Variants in ICAM1 observed in about 807,000 individuals in gnomAD.
The protein encoded by ICAM1 is intercellular adhesion molecule 1, also known as ICAM-1.
Under a neutral mutation model 42.3 loss-of-function variants are expected in ICAM1, and 28 were observed. The ratio of observed to expected loss-of-function variants is 0.66; its 90% CI spans 0.49 to 0.91. ICAM1 has a LOEUF of 0.91. Among genes scored for constraint, ICAM1 ranks in the 40% least tolerant of loss-of-function variants. The probability of loss-of-function intolerance (pLI) is 0.00; values close to 1 mark genes in which losing one functional copy is unlikely to be tolerated. For missense variants in ICAM1, 637 were observed against 688.6 expected (o/e 0.93, Z 0.84); for synonymous variants, 304 against 305.9 (o/e 0.99, Z 0.07).
intron 2 of ICAM1, among the ~76,000 whole-genome samples, chr19:10,280,086 G>A (rs141151283): frequency 4.2e-4 from 64 of 152,294 alleles, no homozygotes; most frequent in African/African-American, 1.5e-3. Context: ...GGCAGTGACC[G>A]TATTCAAGAA....
intron 1 of ICAM1, among the ~76,000 whole-genome samples, chr19:10,274,013 CA>C (rs34434348): frequency 0.076 from 10,148 of 134,268 alleles, 921 homozygotes; most frequent in African/African-American, 0.23. Flanking sequence ...GACTCCATCT[CA>C]AAAAAAAAAA....
chr19:10,284,521 G>C lies in ICAM1; in HGVS notation c.1044G>C (p.Gln348His), dbSNP rs2040087711. 6.2e-7 allele frequency: 1 copy of C among 1,613,910 alleles called. No individual in the cohort carries two copies. Among genetic ancestry groups the C allele is most frequent in the African/African-American group, 1.3e-5 (1 of 74,930 alleles). The change falls in exon 5 of 7, where the codon CAG becomes CAC. Residue 348 changes from glutamine (Q) to histidine (H), a missense_variant. Gln to His is a conservative substitution (Grantham distance 24). Transcript: ENST00000264832. The surrounding 1 kb of genome is among the most constrained non-coding windows in gnomAD (Gnocchi z 5.4). ...TGACGCTGAATGGGGTTCCAGCCCAGCCACTGGGCCCGAGGGCCCAGCTCC... is the reference window on the plus strand; with the variant it reads ...TGACGCTGAATGGGGTTCCAGCCCACCCACTGGGCCCGAGGGCCCAGCTCC... The part of the protein sequence containing the change: ...AKVTLNGVPA[Q>H]PLGPRAQLLL...
intron 2 of ICAM1, among the ~76,000 whole-genome samples, chr19:10,275,379 C>A (rs1361431925): frequency 1.3e-5 from 2 of 152,108 alleles, no homozygotes; most frequent in African/African-American, 4.8e-5. Context: ...CGCCTGTAAT[C>A]CCAGCTACTT....
chr19:10,284,939 C>T lies in ICAM1; in HGVS notation c.1337C>T (p.Thr446Ile). 6.2e-7 allele frequency: 1 copy of T among 1,609,520 alleles called. No individual in the cohort carries two copies. The highest frequency in any genetic ancestry group is 8.5e-7 in the Non-Finnish European group (1 of 1,177,128). ...CCACTGCCCATCGGGGAATCAGTGA[C>T]TGTCACTCGAGATCTTGAGGGCACC... ...TFPLPIGESV[T>I]VTRDLEGTYL... The change falls in exon 6 of 7, where the codon ACT (threonine) becomes ATT (isoleucine). Residue 446 changes from threonine to isoleucine, a missense_variant. Coordinates refer to ENST00000264832, the MANE Select transcript of ICAM1 (RefSeq NM_000201.3). The surrounding 1 kb of genome is among the most constrained non-coding windows in gnomAD (Gnocchi z 5.4).
intron 2 of ICAM1, among the ~76,000 whole-genome samples, chr19:10,279,640 G>A (rs2040041624): frequency 6.6e-6 from 1 of 152,018 alleles, no homozygotes; most frequent in South Asian, 2.1e-4. Context: ...CCACCATCAT[G>A]CCCAGCTAAT....
intron 2 of ICAM1, chr19:10,283,085 T>C (rs1222358179): frequency 6.1e-6 from 1 of 163,186 alleles, no homozygotes; most frequent in African/African-American, 2.4e-5. Flanking sequence ...GTGCCTGTAA[T>C]CTAAGCTACT....
In ICAM1 at chr19:10,285,352, A is replaced by G; in HGVS notation, c.*65A>G. 6.8e-7 allele frequency: 1 copy of G among 1,470,246 alleles called. No individual in the cohort carries two copies. The highest frequency in any genetic ancestry group is 9.4e-7 in the Non-Finnish European group (1 of 1,065,428). The allele number at this position is 1,470,246 out of a possible 1,614,324, so 91.1% of individuals were successfully genotyped here. Reference sequence around the variant, plus strand: ...ATTGGTGGCAGTGGTGCCACACTGAACAGAGTGGAAGACATATGCCATGCA... The same window carrying G: ...ATTGGTGGCAGTGGTGCCACACTGAGCAGAGTGGAAGACATATGCCATGCA... On this transcript the variant is annotated 3_prime_UTR_variant, in exon 7 of 7. Transcript: ENST00000264832.
At chr19:10,282,704 T>G (rs1332695401) in intron 2 of ICAM1, among the ~76,000 whole-genome samples, 11 of 151,224 alleles carry the variant, frequency 7.3e-5, no homozygotes, top group Non-Finnish European at 1.6e-4. Context: ...TTTTTTTTGT[T>G]TTGTTTTGTT....
rs767992203 is a variant in ICAM1, at chr19:10,285,290, C to G, written c.*3C>G. ...ACACACAAGCCACGCCTCCCTGAAC[C>G]TATCCCGGGACAGGGCCTCTTCCTC... On this transcript the variant is annotated 3_prime_UTR_variant, in exon 7 of 7. Coordinates refer to ENST00000264832, the MANE Select transcript of ICAM1 (RefSeq NM_000201.3). 13 of 1,613,364 alleles carry G rather than the reference C, an allele frequency of 8.1e-6. No individual in the cohort carries two copies. Among genetic ancestry groups the G allele is most frequent in the Admixed American group, 3.3e-5 (2 of 59,956 alleles).
chr19:10,283,882 C>T, intron 3 of ICAM1, 96 bp downstream of exon 3: 1 of 1,446,828 alleles, frequency 6.9e-7, no homozygotes, highest in Non-Finnish European at 9.4e-7. Flanking sequence ...GGGTGTGGCC[C>T]CGGCTAAGGG....
intron 3 of ICAM1, 113 bp downstream of exon 3, chr19:10,283,899 G>A: frequency 7.0e-7 from 1 of 1,434,112 alleles, no homozygotes; most frequent in Admixed American, 2.0e-5. Context: ...AGGGGTGCAT[G>A]TGTTCTAGGC....
At position 10,285,031 on chromosome 19, in the gene ICAM1, G is replaced by A; in HGVS notation, c.1426+3G>A. 6.2e-7 allele frequency: 1 copy of A among 1,613,706 alleles called. No individual in the cohort carries two copies. Among genetic ancestry groups the A allele is most frequent in the Non-Finnish European group, 8.5e-7 (1 of 1,179,968 alleles). On this transcript the variant is annotated splice_donor_region_variant and intron_variant, in intron 6 of 6. Transcript: ENST00000264832. ...CAAGGTGACCGTGAATGTGCTCTGT[G>A]AGTGAGCCGGCGGGCAGAGCTGGGT...
At chr19:10,272,102 A>G (rs2039985793) in intron 1 of ICAM1, among the ~76,000 whole-genome samples, 2 of 152,244 alleles carry the variant, frequency 1.3e-5, no homozygotes, top group Admixed American at 6.5e-5. Context: ...CCTGGCCAAC[A>G]TGGCAACATC....
At chr19:10,278,438 G>A (rs964798199) in intron 2 of ICAM1, among the ~76,000 whole-genome samples, 3 of 151,852 alleles carry the variant, frequency 2.0e-5, no homozygotes, top group Non-Finnish European at 2.9e-5. Flanking sequence ...GGGTGGGTGA[G>A]CAGATGCTGA....
chr19:10,285,195 T>C lies in ICAM1; in HGVS notation c.1507T>C (p.Tyr503His). 1 of 1,614,128 alleles carries C rather than the reference T, an allele frequency of 6.2e-7. No homozygotes were observed. The highest frequency in any genetic ancestry group is 1.3e-5 in the African/African-American group (1 of 75,010). Residue 503 changes from tyrosine (Y) to histidine (H), a missense_variant, in exon 7 of 7, where the codon TAT (tyrosine) becomes CAT (histidine). By Grantham distance (83) the Tyr-to-His change is moderately conservative. Transcript: ENST00000264832. ...CACTGCAGGCCTCAGCACGTACCTC[T>C]ATAACCGCCAGCGGAAGATCAAGAA... ...MGTAGLSTYL[Y>H]NRQRKIKKYR...
At chr19:10,271,745 C>G (rs1051978282) in intron 1 of ICAM1, among the ~76,000 whole-genome samples, 1 of 152,110 alleles carries the variant, frequency 6.6e-6, no homozygotes, top group Non-Finnish European at 1.5e-5. Flanking sequence ...CCCCACCCCC[C>G]TCAAGATGTA....
chr19:10,271,283 G>A, intron 1 of ICAM1, 57 bp downstream of exon 1: 2 of 1,498,832 alleles, frequency 1.3e-6, no homozygotes, highest in South Asian at 1.2e-5. Flanking sequence ...GGGAGGACCG[G>A]CTCCCGGGTC....
At chr19:10,276,616 G>T (rs1432347304) in intron 2 of ICAM1, among the ~76,000 whole-genome samples, 6 of 151,602 alleles carry the variant, frequency 4.0e-5, no homozygotes, top group Admixed American at 3.3e-4. Flanking sequence ...GAGGTCCTAG[G>T]ACAGTGCTGT....
Position 10,283,727 on chromosome 19 carries a change from G to C in ICAM1, c.578G>C (p.Arg193Pro). ...NFSCRTELDL[R>P]PQGLELFENT... ...TCGTGCCGCACTGAACTGGACCTGCGGCCCCAAGGGCTGGAGCTGTTTGAG... is the reference window on the plus strand; with the variant it reads ...TCGTGCCGCACTGAACTGGACCTGCCGCCCCAAGGGCTGGAGCTGTTTGAG... Residue 193 changes from arginine (R) to proline (P), a missense_variant, in exon 3 of 7, where the codon CGG becomes CCG. By Grantham distance (103) the Arg-to-Pro change is moderately radical. Transcript: ENST00000264832. 1.9e-6 allele frequency: 3 copies of C among 1,613,528 alleles called. No homozygotes were observed. The highest frequency in any genetic ancestry group is 2.5e-6 in the Non-Finnish European group (3 of 1,179,778).
Sources: allele counts gnomAD v4.1 joint callset (sites outside exome capture counted in the v4.1 genomes callset), GRCh38; gene constraint gnomAD v4.1.1; non-coding constraint Gnocchi (gnomAD v3.1); transcripts MANE v1.5; gene names NCBI Gene and HGNC (gene_info 2026-07-23, HGNC 2026-07-21).